The following ADAMTS16 variants were observed in gnomAD, a reference collection of about 807,000 sequenced individuals.
ADAMTS16 encodes ADAM metallopeptidase with thrombospondin type 1 motif 16.
ADAMTS16 carries 94 observed loss-of-function variants against 145.8 expected under a neutral mutation model. The ratio of observed to expected loss-of-function variants is 0.64; its 90% CI spans 0.55 to 0.77. The LOEUF (loss-of-function observed/expected upper bound fraction) is 0.77. ADAMTS16 is among the 30% of genes least tolerant of loss of function. ADAMTS16 has a pLI of 0.00. For synonymous variants in ADAMTS16, 659 were observed against 604.3 expected, an observed-to-expected ratio of 1.09 and a Z score of -1.33; for missense variants, 1,585 against 1,591.5, an observed-to-expected ratio of 1.00 and a Z score of 0.07.
chr5:5,296,379 G>T (rs1279049374), intron 18 of ADAMTS16, among the ~76,000 whole-genome samples: 1 of 152,164 alleles, frequency 6.6e-6, no homozygotes, highest in African/African-American at 2.4e-5. Flanking sequence ...CGGTTGACCG[G>T]ACTCCCCGCC....
At chr5:5,235,825 G>C (rs58603742) in intron 13 of ADAMTS16, among the ~76,000 whole-genome samples, 11 of 151,964 alleles carry the variant, frequency 7.2e-5, no homozygotes, top group African/African-American at 2.4e-4. Flanking sequence ...AACATTGCCC[G>C]AAAAAATGAC....
chr5:5,208,791 G>A (rs576071311), intron 9 of ADAMTS16, among the ~76,000 whole-genome samples: 1 of 152,154 alleles, frequency 6.6e-6, no homozygotes, highest in Non-Finnish European at 1.5e-5. Context: ...TTCTCATGTT[G>A]AACACTGGTT....
At chr5:5,256,271 G>C (rs1265826713) in intron 17 of ADAMTS16, among the ~76,000 whole-genome samples, 1 of 152,176 alleles carries the variant, frequency 6.6e-6, no homozygotes, top group Non-Finnish European at 1.5e-5. Flanking sequence ...GCAGGATCCA[G>C]GGAAGCTAAA....
chr5:5,150,987 C>T (rs938218110), intron 3 of ADAMTS16, among the ~76,000 whole-genome samples: 1 of 152,126 alleles, frequency 6.6e-6, no homozygotes, highest in Admixed American at 6.5e-5. Flanking sequence ...TTCTCTGAGG[C>T]TCCATTCATT....
intron 3 of ADAMTS16, among the ~76,000 whole-genome samples, chr5:5,181,412 G>A (rs975819932): frequency 2.4e-4 from 37 of 152,162 alleles, no homozygotes; most frequent in Admixed American, 1.1e-3. Flanking sequence ...TTTTAACGTT[G>A]TATTTAGTCT....
At chr5:5,248,477 G>A (rs899253119) in intron 17 of ADAMTS16, among the ~76,000 whole-genome samples, 1 of 152,176 alleles carries the variant, frequency 6.6e-6, no homozygotes, top group Non-Finnish European at 1.5e-5. Flanking sequence ...TGAAGCTTAT[G>A]CCCTTCCTTT....
chr5:5,181,479 T>C (rs1307700971), intron 3 of ADAMTS16, among the ~76,000 whole-genome samples: 2 of 152,248 alleles, frequency 1.3e-5, no homozygotes, highest in African/African-American at 2.4e-5. Context: ...TCCTATTTCC[T>C]TTAATATCTT....
chr5:5,243,322 G>A (rs1737353037), intron 17 of ADAMTS16, among the ~76,000 whole-genome samples: 1 of 152,204 alleles, frequency 6.6e-6, no homozygotes, highest in African/African-American at 2.4e-5. Flanking sequence ...CAGAAGGATA[G>A]CAAGCATGTT....
chr5:5,170,725 A>G (rs1390629257), intron 3 of ADAMTS16, among the ~76,000 whole-genome samples: 6 of 151,108 alleles, frequency 4.0e-5, no homozygotes, highest in Non-Finnish European at 5.9e-5. Flanking sequence ...TTTTTCCTGT[A>G]GAGTTGTTTG....
At position 5,318,147 on chromosome 5, in the gene ADAMTS16, G is replaced by A; in HGVS notation, c.3425G>A (p.Cys1142Tyr). The change falls in exon 22 of 23, where the codon TGT (cysteine) becomes TAT (tyrosine). Residue 1142 changes from cysteine (C) to tyrosine (Y), a missense_variant. Around this residue, in one of 3 missense-constraint regions of ADAMTS16, gnomAD observed 834 missense variants for 811.7 expected, o/e 1.03. Coordinates refer to ENST00000274181, the MANE Select transcript of ADAMTS16 (RefSeq NM_139056.4). ...ASPWSQCTASCGGGVQTRSVQ... is the reference protein window; with the variant it reads ...ASPWSQCTASYGGGVQTRSVQ... Reference sequence around the variant, plus strand: ...TTGCTCTCACAGTGCACGGCCAGCTGTGGGGGAGGCGTTCAGACGAGGTCC... The same window carrying A: ...TTGCTCTCACAGTGCACGGCCAGCTATGGGGGAGGCGTTCAGACGAGGTCC... 9 of 1,491,040 alleles carry A rather than the reference G, an allele frequency of 6.0e-6. No individual in the cohort carries two copies. Among genetic ancestry groups the A allele is most frequent in the South Asian group, 1.4e-5 (1 of 73,798 alleles). The allele number at this position is 1,491,040 out of a possible 1,614,324, so 92.4% of individuals were successfully genotyped here.
At chr5:5,246,560 G>A (rs1208819730) in intron 17 of ADAMTS16, among the ~76,000 whole-genome samples, 1 of 152,200 alleles carries the variant, frequency 6.6e-6, no homozygotes, top group African/African-American at 2.4e-5. Context: ...ATGCTTGGGT[G>A]TTTGGATCTG....
In ADAMTS16 at chr5:5,319,488, A is replaced by C. The variant is rs2126544111; in HGVS notation, c.*350A>C. ...AAAGACAGGCGAGGCTGAACTTGCT[A>C]AATGTCTGGTGCCTTAGAAAAAGAA... On this transcript the variant is annotated 3_prime_UTR_variant, in exon 23 of 23. Coordinates refer to ENST00000274181, the MANE Select transcript of ADAMTS16 (RefSeq NM_139056.4). The C allele has an allele frequency of 3.1e-6, 1 of 317,688 alleles. No individual in the cohort carries two copies. Among genetic ancestry groups the C allele is most frequent in the East Asian group, 8.4e-5 (1 of 11,906 alleles). 19.7% of individuals were successfully genotyped at this position (317,688 alleles called of 1,614,324 possible).
chr5:5,301,773 A>G (rs914593452), intron 18 of ADAMTS16, among the ~76,000 whole-genome samples: 4 of 152,176 alleles, frequency 2.6e-5, no homozygotes, highest in African/African-American at 9.7e-5. Flanking sequence ...TTCAGGAGCA[A>G]GTCACTGTTG....
At chr5:5,239,637 T>G (rs755466415) in intron 15 of ADAMTS16, 44 bp from the exon 16 acceptor site, 6 of 1,604,302 alleles carry the variant, frequency 3.7e-6, no homozygotes, top group Non-Finnish European at 5.1e-6. Flanking sequence ...TTGCCCCTGC[T>G]TTCTGGAATG....
intron 11 of ADAMTS16, among the ~76,000 whole-genome samples, chr5:5,227,178 A>G (rs12652633): frequency 0.09 from 13,668 of 152,330 alleles, 697 homozygotes; most frequent in Admixed American, 0.15. Flanking sequence ...GAGCAGATCT[A>G]TGATGCCCAT....
intron 4 of ADAMTS16, 80 bp downstream of exon 4, chr5:5,182,385 A>G: frequency 2.6e-6 from 4 of 1,526,712 alleles, no homozygotes; most frequent in Non-Finnish European, 3.5e-6. Flanking sequence ...CATTTTCTTC[A>G]AAGCATGTCT....
intron 18 of ADAMTS16, among the ~76,000 whole-genome samples, chr5:5,303,001 A>G (rs748619459): frequency 1.3e-5 from 2 of 152,154 alleles, no homozygotes; most frequent in African/African-American, 2.4e-5. Flanking sequence ...ACTGTGCCGA[A>G]TAGGGTTCTT....
intron 18 of ADAMTS16, among the ~76,000 whole-genome samples, chr5:5,299,096 G>T (rs180981693): frequency 2.3e-3 from 344 of 152,346 alleles, no homozygotes; most frequent in Middle Eastern, 0.01. Context: ...AATGCCTCGT[G>T]TAGGTTTGTG....
chr5:5,313,600 G>T (rs1404303467), intron 21 of ADAMTS16, among the ~76,000 whole-genome samples: 1 of 152,166 alleles, frequency 6.6e-6, no homozygotes, highest in East Asian at 1.9e-4. Flanking sequence ...CTCATTCTGG[G>T]AGCTCCCCAC....
Sources: gnomAD v4.1 joint callset for allele counts (sites outside exome capture counted in the v4.1 genomes callset) on GRCh38, gnomAD v4.1.1 for gene constraint, gnomAD v4.1.1 regional missense constraint, MANE v1.5 for transcripts, NCBI Gene and HGNC (gene_info 2026-07-23, HGNC 2026-07-21) for gene names.